AGBL4: variants seen among roughly 807,000 people sequenced by gnomAD.
AGBL4 encodes AGBL carboxypeptidase 4.
In AGBL4, 58 loss-of-function variants were observed where a neutral mutation model predicts 66.4. The observed-to-expected ratio is 0.87, with a 90% CI of 0.71 to 1.09. The LOEUF (loss-of-function observed/expected upper bound fraction) is 1.09, where lower values mean the gene tolerates loss of function less well. AGBL4 is among the 50% of genes least tolerant of loss of function. The pLI is 0.00. For missense variants in AGBL4, 579 were observed against 631.0 expected, an observed-to-expected ratio of 0.92 and a Z score of 0.88; for synonymous variants, 234 against 222.9, an observed-to-expected ratio of 1.05 and a Z score of -0.44.
At chr1:49,333,592 T>C (rs1238218497) in intron 3 of AGBL4, among the ~76,000 whole-genome samples, 1 of 152,158 alleles carries the variant, frequency 6.6e-6, no homozygotes, top group African/African-American at 2.4e-5. Flanking sequence ...TTAGATTCGA[T>C]GGTGGGTTGA....
chr1:49,070,111 A>C (rs1644571380), intron 4 of AGBL4, among the ~76,000 whole-genome samples: 1 of 151,976 alleles, frequency 6.6e-6, no homozygotes, highest in Non-Finnish European at 1.5e-5. Context: ...GAAGATGTTT[A>C]TCAGCTTAAG....
intron 6 of AGBL4, among the ~76,000 whole-genome samples, chr1:48,738,583 C>G (rs1649431669): frequency 6.6e-6 from 1 of 152,232 alleles, no homozygotes; most frequent in Admixed American, 6.5e-5. Context: ...GCCACCCACA[C>G]AAGCTTCCTG....
At chr1:49,959,705 T>G (rs1485716878) in intron 1 of AGBL4, among the ~76,000 whole-genome samples, 1 of 152,038 alleles carries the variant, frequency 6.6e-6, no homozygotes, top group African/African-American at 2.4e-5. Flanking sequence ...GGATATAAAT[T>G]GTTCTACCAT....
intron 5 of AGBL4, among the ~76,000 whole-genome samples, chr1:49,039,442 G>T (rs994025634): frequency 2.0e-5 from 3 of 152,034 alleles, no homozygotes; most frequent in Non-Finnish European, 2.9e-5. Flanking sequence ...GTAGGGGAAG[G>T]AAGTATATTG....
chr1:49,426,336 A>C (rs1645658381), intron 3 of AGBL4, among the ~76,000 whole-genome samples: 1 of 152,178 alleles, frequency 6.6e-6, no homozygotes, highest in South Asian at 2.1e-4. Context: ...AAAAGTGAAA[A>C]AACAAAACAA....
At chr1:49,748,534 G>A (rs934008134) in intron 2 of AGBL4, among the ~76,000 whole-genome samples, 1 of 152,112 alleles carries the variant, frequency 6.6e-6, no homozygotes, top group African/African-American at 2.4e-5. Flanking sequence ...CCAGTAATGG[G>A]ATGGCTGGGT....
intron 5 of AGBL4, among the ~76,000 whole-genome samples, chr1:48,911,963 C>T (rs1178918143): frequency 6.6e-6 from 1 of 152,112 alleles, no homozygotes; most frequent in Non-Finnish European, 1.5e-5. Flanking sequence ...CTGTTATAAA[C>T]AATTTCGATA....
intron 4 of AGBL4, among the ~76,000 whole-genome samples, chr1:49,080,293 G>C (rs146822952): frequency 2.2e-4 from 34 of 152,268 alleles, no homozygotes; most frequent in Middle Eastern, 6.8e-3. Context: ...AAGCAGAGTA[G>C]AAGAACTTGA....
intron 3 of AGBL4, among the ~76,000 whole-genome samples, chr1:49,304,611 A>T (rs556195770): frequency 1.3e-5 from 2 of 152,284 alleles, no homozygotes; most frequent in Admixed American, 1.3e-4. Flanking sequence ...GGTGGATGGG[A>T]CTTGTAAACA....
intron 1 of AGBL4, among the ~76,000 whole-genome samples, chr1:49,966,600 CAG>C (rs954786467): frequency 9.2e-5 from 14 of 151,978 alleles, no homozygotes; most frequent in African/African-American, 3.1e-4. Flanking sequence ...AGCAGTGAAA[CAG>C]TGTGAAAATC....
At chr1:48,523,862 A>G in the AGBL4 span, among the ~76,000 whole-genome samples, 1 of 152,218 alleles carries the variant, frequency 6.6e-6, no homozygotes, top group Non-Finnish European at 1.5e-5. Flanking sequence ...CCTAGGCTAC[A>G]TGGTACAGCC....
rs763897262 is a variant in AGBL4 at position 48,762,656 on chromosome 1, G to GTGTGTGTGTA, written c.635-99416_635-99415insTACACACACA. 6.3e-3 allele frequency among the ~76,000 whole-genome samples: 868 copies of GTGTGTGTGTA among 138,638 alleles called. 7 individuals carry two copies. Among genetic ancestry groups the GTGTGTGTGTA allele is most frequent in the African/African-American group, 0.012 (457 of 37,430 alleles). The allele number at this position is 138,638 out of a possible 152,430, so 91.0% of individuals were successfully genotyped here. A position where few individuals can be genotyped will look rare whatever the true frequency, so the allele number is the denominator to read the frequency against. Reference sequence around the variant, plus strand: ...TGTGTGTGTGTGTGTGTGTGTGTGTGTGTATGTATTTGCATGTGTTAAACA... The same window carrying GTGTGTGTGTA: ...TGTGTGTGTGTGTGTGTGTGTGTGTGTGTGTGTGTATGTATGTATTTGCATGTGTTAAACA... On this transcript the variant is annotated intron_variant, in intron 6 of 13. Transcript: ENST00000371839.
At chr1:49,962,464 T>C (rs1242221010) in intron 1 of AGBL4, among the ~76,000 whole-genome samples, 1 of 152,160 alleles carries the variant, frequency 6.6e-6, no homozygotes, top group Non-Finnish European at 1.5e-5. Context: ...CATCAACTGC[T>C]TCATGATAAA....
At chr1:49,842,364 G>T in intron 2 of AGBL4, 1 of 578,552 alleles carries the variant, frequency 1.7e-6, no homozygotes. Flanking sequence ...GTGGACTCTG[G>T]AGTTCCCCAA....
chr1:49,427,259 C>A (rs921176385), intron 3 of AGBL4, among the ~76,000 whole-genome samples: 1 of 152,090 alleles, frequency 6.6e-6, no homozygotes, highest in Non-Finnish European at 1.5e-5. Flanking sequence ...TTCTGCTGAG[C>A]ACCTCAAAGG....
intron 3 of AGBL4, among the ~76,000 whole-genome samples, chr1:49,424,615 C>A (rs924511345): frequency 6.6e-6 from 1 of 152,090 alleles, no homozygotes; most frequent in African/African-American, 2.4e-5. Context: ...GGAAATTAAC[C>A]CAGTTCCAGC....
At chr1:49,471,617 A>G (rs1295358339) in intron 3 of AGBL4, among the ~76,000 whole-genome samples, 1 of 151,868 alleles carries the variant, frequency 6.6e-6, no homozygotes, top group African/African-American at 2.4e-5. Context: ...AATGGGTACT[A>G]CAGAAGCCAA....
At chr1:49,532,636 C>T (rs1651229949) in intron 3 of AGBL4, among the ~76,000 whole-genome samples, 1 of 152,016 alleles carries the variant, frequency 6.6e-6, no homozygotes, top group Non-Finnish European at 1.5e-5. Context: ...CCTTTAATTA[C>T]ATTTAGTTTA....
intron 4 of AGBL4, among the ~76,000 whole-genome samples, chr1:49,189,906 C>T (rs766541272): frequency 1.3e-5 from 2 of 152,010 alleles, no homozygotes; most frequent in Non-Finnish European, 2.9e-5. Context: ...ACTCTAAAAC[C>T]CATATTCTTT....
Sources: gnomAD v4.1 joint callset for allele counts (sites outside exome capture counted in the v4.1 genomes callset) on GRCh38, gnomAD v4.1.1 for gene constraint, MANE v1.5 for transcripts, NCBI Gene and HGNC (gene_info 2026-07-23, HGNC 2026-07-21) for gene names.